The following SNX8 variants were observed in gnomAD, a reference collection of about 807,000 sequenced individuals.
SNX8 encodes sorting nexin 8, also known as sorting nexin-8.
SNX8 carries 25 observed loss-of-function variants against 51.6 expected under a neutral mutation model. That is an observed-to-expected ratio of 0.48 (90% CI 0.35 to 0.68). The LOEUF is 0.68. Ranked by LOEUF, SNX8 falls within the 30% of genes least tolerant of loss-of-function variation. The pLI is 0.00. For synonymous variants in SNX8, 324 were observed against 277.0 expected, an observed-to-expected ratio of 1.17 and a Z score of -1.68; for missense variants, 695 against 624.0, an observed-to-expected ratio of 1.11 and a Z score of -1.21.
chr7:2,277,229 CAG>C (rs1156883293), intron 2 of SNX8, among the ~76,000 whole-genome samples: 1 of 152,216 alleles, frequency 6.6e-6, no homozygotes, highest in Non-Finnish European at 1.5e-5. Context: ...AAGCAAGGGA[CAG>C]AGAGAGCCAC....
At chr7:2,331,921 C>T (rs1778744337) in intron 1 of SNX8, among the ~76,000 whole-genome samples, 1 of 147,842 alleles carries the variant, frequency 6.8e-6, no homozygotes, top group Non-Finnish European at 1.5e-5. Flanking sequence ...AAAGATATTA[C>T]AAGGCCGGGC....
At chr7:2,286,179 T>C (rs1796024094) in intron 1 of SNX8, among the ~76,000 whole-genome samples, 2 of 151,194 alleles carry the variant, frequency 1.3e-5, no homozygotes, top group Non-Finnish European at 2.9e-5. Context: ...ACCTGACTAA[T>C]TTTTGTATTT....
At chr7:2,318,134 C>T (rs1796783950), upstream of SNX8, among the ~76,000 whole-genome samples, 1 of 152,188 alleles carries the variant, frequency 6.6e-6, no homozygotes, top group African/African-American at 2.4e-5. Flanking sequence ...TAGCCTCAAA[C>T]TCCTGGCCTC....
At chr7:2,346,905 G>GC (rs1779040622) in intron 1 of SNX8, among the ~76,000 whole-genome samples, 1 of 128,452 alleles carries the variant, frequency 7.8e-6, no homozygotes, top group African/African-American at 2.9e-5. Context: ...GGGCGACAGA[G>GC]ATTGAGACTC....
At chr7:2,351,825 C>T (rs1015132869) in intron 1 of SNX8, among the ~76,000 whole-genome samples, 1 of 150,686 alleles carries the variant, frequency 6.6e-6, no homozygotes, top group Non-Finnish European at 1.5e-5. Context: ...AGTGAGACTC[C>T]ATCTCAAAAA....
intron 1 of SNX8, among the ~76,000 whole-genome samples, chr7:2,327,532 A>C (rs534363517): frequency 1.3e-5 from 2 of 151,706 alleles, no homozygotes. Context: ...CTCAGCCTCC[A>C]GAGTCGCTGG....
chr7:2,324,637 A>T (rs1388226799), intron 1 of SNX8, among the ~76,000 whole-genome samples: 2 of 152,084 alleles, frequency 1.3e-5, no homozygotes, highest in African/African-American at 2.4e-5. Context: ...AATAAAAAAA[A>T]TTTAGGAAGT....
At chr7:2,317,675 C>T (rs1438186471), upstream of SNX8, among the ~76,000 whole-genome samples, 1 of 152,076 alleles carries the variant, frequency 6.6e-6, no homozygotes, top group African/African-American at 2.4e-5. Context: ...GCGTCCCCTT[C>T]TCACAAGGTA....
In SNX8 at chr7:2,264,537, A is replaced by C; in HGVS notation, c.622-79T>G. 14 of 1,462,898 alleles carry C rather than the reference A, an allele frequency of 9.6e-6. No homozygotes were observed. In the South Asian group the frequency reaches 1.6e-4, roughly 17 times the overall value. The allele number at this position is 1,462,898 out of a possible 1,614,324, so 90.6% of individuals were successfully genotyped here. The stretch of plus-strand genomic sequence containing the variant: ...CAGACGGCAGCAGCCGGTCCCCCAG[A>C]AGCTGAGCCACGGGAGACACAGCAG... On this transcript the variant is annotated intron_variant, in intron 5 of 10. Coordinates refer to ENST00000222990, the MANE Select transcript of SNX8 (RefSeq NM_013321.4).
At chr7:2,299,159 C>A (rs1005887352) in intron 1 of SNX8, among the ~76,000 whole-genome samples, 1 of 151,928 alleles carries the variant, frequency 6.6e-6, no homozygotes, top group South Asian at 2.1e-4. Context: ...CCTGAGGTTC[C>A]GTGGATGATT....
chr7:2,260,969 G>A (rs1045717083), intron 7 of SNX8, among the ~76,000 whole-genome samples: 1 of 152,206 alleles, frequency 6.6e-6, no homozygotes, highest in South Asian at 2.1e-4. Flanking sequence ...ATCACCTCAT[G>A]AGTGATGCTC....
chr7:2,305,970 C>A (rs1300507543), intron 1 of SNX8, among the ~76,000 whole-genome samples: 3 of 152,198 alleles, frequency 2.0e-5, no homozygotes, highest in Non-Finnish European at 2.9e-5. Flanking sequence ...CTGGTTGCAT[C>A]CCTGACAGAT....
At chr7:2,337,396 G>C (rs956517935) in intron 1 of SNX8, 4 of 151,120 alleles carry the variant, frequency 2.6e-5, no homozygotes, top group Non-Finnish European at 5.9e-5. Flanking sequence ...GCAGTGAGCT[G>C]TGTAATTGCA....
intron 1 of SNX8, among the ~76,000 whole-genome samples, chr7:2,288,962 C>T (rs1263390233): frequency 2.0e-5 from 3 of 152,228 alleles, no homozygotes; most frequent in African/African-American, 7.2e-5. Flanking sequence ...GTCTCCAACT[C>T]CGAGTCTCAA....
intron 1 of SNX8, among the ~76,000 whole-genome samples, chr7:2,326,275 G>T (rs565612492): frequency 6.6e-6 from 1 of 152,246 alleles, no homozygotes; most frequent in East Asian, 1.9e-4. Flanking sequence ...TGAGGCAAGA[G>T]GATCGCTCGA....
intron 7 of SNX8, among the ~76,000 whole-genome samples, chr7:2,262,837 G>C (rs1464167013): frequency 6.6e-6 from 1 of 152,244 alleles, no homozygotes; most frequent in Admixed American, 6.5e-5. Flanking sequence ...TGGGAAGCCG[G>C]CCGGGCACAG....
At chr7:2,342,923 C>T (rs950452198) in intron 1 of SNX8, among the ~76,000 whole-genome samples, 1 of 151,932 alleles carries the variant, frequency 6.6e-6, no homozygotes, top group Non-Finnish European at 1.5e-5. Flanking sequence ...CCCGCGTTCA[C>T]ACAATTCTCC....
chr7:2,270,869 G>A (rs1795628060), intron 4 of SNX8, among the ~76,000 whole-genome samples: 1 of 151,968 alleles, frequency 6.6e-6, no homozygotes, highest in South Asian at 2.1e-4. Context: ...ATTCAAGACG[G>A]GGTTTCCCTG....
At chr7:2,336,649 A>C (rs1778836012) in intron 1 of SNX8, among the ~76,000 whole-genome samples, 1 of 152,004 alleles carries the variant, frequency 6.6e-6, no homozygotes, top group South Asian at 2.1e-4. Context: ...CGGAGGTTGC[A>C]GTGAGCCGAG....
Sources: allele counts gnomAD v4.1 joint callset (sites outside exome capture counted in the v4.1 genomes callset), GRCh38; gene constraint gnomAD v4.1.1; transcripts MANE v1.5; gene names NCBI Gene and HGNC (gene_info 2026-07-23, HGNC 2026-07-21).